Variants in CEP112 observed in about 807,000 individuals in gnomAD.
CEP112 encodes the protein centrosomal protein of 112 kDa.
Under a neutral mutation model 153.0 loss-of-function variants are expected in CEP112, and 127 were observed. That is an observed-to-expected ratio of 0.83 (90% CI 0.72 to 0.96). The LOEUF is 0.96. CEP112 is among the 40% of genes least tolerant of loss of function. CEP112 has a pLI of 0.00. For missense variants in CEP112, 1,089 were observed against 1,101.2 expected, an observed-to-expected ratio of 0.99 and a Z score of 0.16; for synonymous variants, 358 against 374.4, an observed-to-expected ratio of 0.96 and a Z score of 0.51.
chr17:65,813,153 G>A (rs2056078174), intron 21 of CEP112, among the ~76,000 whole-genome samples: 1 of 152,174 alleles, frequency 6.6e-6, no homozygotes, highest in Non-Finnish European at 1.5e-5. Flanking sequence ...AAAAGGTCTG[G>A]TGTCTCTCCA....
At chr17:66,130,789 A>AAC (rs1474299909) in intron 5 of CEP112, among the ~76,000 whole-genome samples, 2 of 151,684 alleles carry the variant, frequency 1.3e-5, no homozygotes, top group South Asian at 2.1e-4. Flanking sequence ...AAAAAAAAAA[A>AAC]AAAACACACA....
At chr17:65,667,788 CAAT>C (rs1255357281) in intron 24 of CEP112, among the ~76,000 whole-genome samples, 1 of 152,038 alleles carries the variant, frequency 6.6e-6, no homozygotes, top group Non-Finnish European at 1.5e-5. Flanking sequence ...GCAAAACACT[CAAT>C]AATGAGTCAC....
Position 65,800,360 on chromosome 17 carries a change from T to TA in CEP112, c.2395-49637dup, listed in dbSNP as rs1397097463. Among the ~76,000 whole-genome samples, 30 of 152,304 alleles carry TA rather than the reference T, an allele frequency of 2.0e-4. No homozygotes were observed. In the South Asian group the frequency reaches 2.1e-3, roughly 11 times the overall value. On this transcript the variant is annotated intron_variant, in intron 21 of 26. Coordinates refer to ENST00000535342, the MANE Select transcript of CEP112 (RefSeq NM_001199165.4). Reference sequence around the variant, plus strand: ...ATTTCATATAAATGTAATAATACAATATGTGTGCTTTTGTGTCCAGATTTT... The same window carrying TA: ...ATTTCATATAAATGTAATAATACAATAATGTGTGCTTTTGTGTCCAGATTTT...
At chr17:65,915,533 C>T (rs2060444914) in intron 19 of CEP112, among the ~76,000 whole-genome samples, 1 of 152,052 alleles carries the variant, frequency 6.6e-6, no homozygotes, top group Admixed American at 6.6e-5. Flanking sequence ...CGCCTGTAAT[C>T]CCAGCACTTT....
intron 19 of CEP112, among the ~76,000 whole-genome samples, chr17:65,905,016 G>A (rs1418842181): frequency 6.6e-6 from 1 of 152,066 alleles, no homozygotes; most frequent in African/African-American, 2.4e-5. Context: ...GAAAACCTAG[G>A]CAATACCACT....
intron 16 of CEP112, among the ~76,000 whole-genome samples, chr17:66,015,734 T>A (rs1340893655): frequency 2.0e-5 from 3 of 152,242 alleles, no homozygotes; most frequent in African/African-American, 7.2e-5. Context: ...AAACATTTTT[T>A]AATCTTGTAT....
intron 23 of CEP112, among the ~76,000 whole-genome samples, chr17:65,720,449 C>A (rs541957278): frequency 1.8e-4 from 27 of 152,220 alleles, no homozygotes; most frequent in Admixed American, 6.5e-4. Flanking sequence ...CAAAGAGGGG[C>A]CGTGAAGGTT....
intron 24 of CEP112, among the ~76,000 whole-genome samples, chr17:65,685,712 G>A (rs939600010): frequency 9.7e-5 from 12 of 123,542 alleles, no homozygotes; most frequent in African/African-American, 2.9e-4. Context: ...TTGCTCTGTC[G>A]CCCAGGCTGG....
At chr17:65,737,622 G>T (rs1039622651) in intron 23 of CEP112, among the ~76,000 whole-genome samples, 2 of 152,210 alleles carry the variant, frequency 1.3e-5, no homozygotes. Flanking sequence ...TAATCTCAAA[G>T]TGAGAACAGT....
intron 17 of CEP112, among the ~76,000 whole-genome samples, chr17:65,976,387 T>C (rs2063035189): frequency 6.6e-6 from 1 of 152,096 alleles, no homozygotes; most frequent in Non-Finnish European, 1.5e-5. Flanking sequence ...ACGTTACCCT[T>C]TTTTTTAGGT....
chr17:65,838,629 T>C (rs989605053), intron 21 of CEP112, among the ~76,000 whole-genome samples: 1 of 151,948 alleles, frequency 6.6e-6, no homozygotes, highest in Middle Eastern at 3.4e-3. Context: ...CCCAGATTTG[T>C]AGAATAAATG....
intron 21 of CEP112, among the ~76,000 whole-genome samples, chr17:65,759,563 A>G (rs190049020): frequency 7.9e-5 from 12 of 152,340 alleles, no homozygotes; most frequent in Admixed American, 3.9e-4. Context: ...TTACTTCAAA[A>G]TAAATGTGCA....
intron 24 of CEP112, among the ~76,000 whole-genome samples, chr17:65,659,806 T>C (rs1598226847): frequency 6.6e-6 from 1 of 152,166 alleles, no homozygotes. Flanking sequence ...AACTGACATA[T>C]AATAGGCCAG....
intron 17 of CEP112, among the ~76,000 whole-genome samples, chr17:65,969,218 A>AT (rs1459239259): frequency 6.6e-6 from 1 of 151,816 alleles, no homozygotes; most frequent in African/African-American, 2.4e-5. Flanking sequence ...AGTAGCTGGG[A>AT]TTACAGGCAT....
chr17:65,677,888 G>A (rs1453551056), intron 24 of CEP112, among the ~76,000 whole-genome samples: 1 of 152,142 alleles, frequency 6.6e-6, no homozygotes, highest in Non-Finnish European at 1.5e-5. Context: ...ACTCCAGCCT[G>A]GGAGACAGAA....
intron 8 of CEP112, among the ~76,000 whole-genome samples, chr17:66,082,235 AAAAG>A (rs563408733): frequency 3.0e-4 from 45 of 152,274 alleles, no homozygotes; most frequent in South Asian, 1.0e-3. Flanking sequence ...GATTACTAAA[AAAAG>A]AAAGAAAGAA....
At chr17:65,646,597 A>G (rs184971727) in intron 24 of CEP112, among the ~76,000 whole-genome samples, 3 of 152,294 alleles carry the variant, frequency 2.0e-5, no homozygotes, top group Admixed American at 6.5e-5. Context: ...TGATGACCCA[A>G]TGAGGGAAGC....
chr17:65,976,735 C>CTTTCTT (rs1555743390), intron 17 of CEP112, among the ~76,000 whole-genome samples: 11 of 85,350 alleles, frequency 1.3e-4, no homozygotes, highest in Non-Finnish European at 1.6e-4. Flanking sequence ...ATAACTTTTT[C>CTTTCTT]TTTTTTTTTT....
intron 24 of CEP112, among the ~76,000 whole-genome samples, chr17:65,656,941 A>G (rs1317114020): frequency 1.3e-5 from 2 of 152,326 alleles, no homozygotes; most frequent in East Asian, 3.9e-4. Context: ...GCTCTCCCTA[A>G]AGACAAAGAG....
Sources: gnomAD v4.1 joint callset for allele counts (sites outside exome capture counted in the v4.1 genomes callset) on GRCh38, gnomAD v4.1.1 for gene constraint, MANE v1.5 for transcripts, NCBI Gene and HGNC (gene_info 2026-07-23, HGNC 2026-07-21) for gene names.